Variants in NELL1 observed in about 807,000 individuals in gnomAD.
NELL1 encodes neural EGFL like 1, also known as protein kinase C-binding protein NELL1.
A neutral mutation model predicts 107.4 loss-of-function variants in NELL1; 76 were observed. The observed-to-expected ratio is 0.71, with a 90% confidence interval of 0.59 to 0.86. NELL1 has a LOEUF of 0.86. NELL1 is among the 40% of genes least tolerant of loss of function. NELL1 has a pLI of 0.00. For missense variants in NELL1, 1,024 were observed against 1,005.5 expected (o/e 1.02, Z -0.25); for synonymous variants, 353 against 341.2 (o/e 1.03, Z -0.38).
At chr11:21,073,541 A>T (rs548828794) in intron 12 of NELL1, among the ~76,000 whole-genome samples, 20 of 152,148 alleles carry the variant, frequency 1.3e-4, no homozygotes, top group Admixed American at 1.2e-3. Context: ...GCATGTCTTC[A>T]TGGGTAGGGC....
chr11:20,764,788 T>C (rs1056017074), intron 2 of NELL1, among the ~76,000 whole-genome samples: 1 of 151,822 alleles, frequency 6.6e-6, no homozygotes, highest in African/African-American at 2.4e-5. Context: ...GGAAGGAAAC[T>C]ACACGTGAGA....
In NELL1 at chr11:20,765,169, A is replaced by T. The variant is rs28615322; in HGVS notation, c.185-18511A>T. On this transcript the variant is annotated intron_variant, in intron 2 of 19. Transcript: ENST00000357134. ...CAAGACCCTGTCTTTGTTAAAAAAA[A>T]AAAATAAAATGAGGCAGATACAGGA... Among the ~76,000 whole-genome samples, 266 of 152,062 alleles carry T rather than the reference A, an allele frequency of 1.7e-3. 1 individual carries two copies. Among genetic ancestry groups the T allele is most frequent in the Middle Eastern group, 3.4e-3 (1 of 294 alleles).
chr11:21,497,544 G>A lies in NELL1; in HGVS notation c.1646-36830G>A, dbSNP rs368214468. On this transcript the variant is annotated intron_variant, in intron 15 of 19. Coordinates refer to ENST00000357134, the MANE Select transcript of NELL1 (RefSeq NM_006157.5). ...GAAGTCAGTTATTTATCATTTAATT[G>A]CGTTAGTTAATGTAAATTATGAAAT... is the stretch of plus-strand genomic sequence containing the variant. Among the ~76,000 whole-genome samples, 5 of 151,970 alleles carry A rather than the reference G, an allele frequency of 3.3e-5. No homozygotes were observed. In the South Asian group the frequency reaches 6.2e-4, roughly 19 times the overall value.
chr11:21,326,052 T>TG (rs1850126035), intron 14 of NELL1, among the ~76,000 whole-genome samples: 1 of 66,180 alleles, frequency 1.5e-5, no homozygotes, highest in Non-Finnish European at 3.2e-5. Context: ...AATCCTAGTT[T>TG]TTTTTTTTTT....
At chr11:21,566,610 T>C (rs550257833) in intron 17 of NELL1, among the ~76,000 whole-genome samples, 406 of 151,988 alleles carry the variant, frequency 2.7e-3, no homozygotes, top group Middle Eastern at 6.8e-3. Flanking sequence ...AATACATCTT[T>C]GGCATATAAG....
intron 2 of NELL1, among the ~76,000 whole-genome samples, chr11:20,741,375 T>C (rs1312924921): frequency 6.6e-6 from 1 of 152,158 alleles, no homozygotes; most frequent in Non-Finnish European, 1.5e-5. Context: ...GAAAGTGTCA[T>C]ACTGTGTCAC....
Position 20,705,496 on chromosome 11 carries a change from C to T in NELL1, c.184+27436C>T, listed in dbSNP as rs530783505. Among the ~76,000 whole-genome samples the T allele has an allele frequency of 8.7e-5, 13 of 149,940 alleles. No individual in the cohort carries two copies. In the South Asian group the frequency reaches 1.7e-3, roughly 19 times the overall value. On this transcript the variant is annotated intron_variant, in intron 2 of 19. Transcript: ENST00000357134. ...GCTGAAACTGGATCCCTTCCTTACA[C>T]CTTATACAAAAATGAATTTAAGATG...
At chr11:20,734,852 C>G (rs184519279) in intron 2 of NELL1, among the ~76,000 whole-genome samples, 5 of 152,230 alleles carry the variant, frequency 3.3e-5, no homozygotes, top group Admixed American at 1.3e-4. Flanking sequence ...GTTCTTGGAG[C>G]AACAACAGCA....
intron 16 of NELL1, among the ~76,000 whole-genome samples, chr11:21,555,663 G>C (rs1293105936): frequency 1.3e-5 from 2 of 151,914 alleles, no homozygotes; most frequent in Non-Finnish European, 2.9e-5. Context: ...TGAGTGAAGA[G>C]TTAATGCTAA....
chr11:20,701,957 T>G (rs1854802803), intron 2 of NELL1, among the ~76,000 whole-genome samples: 1 of 152,254 alleles, frequency 6.6e-6, no homozygotes, highest in South Asian at 2.1e-4. Flanking sequence ...CCTCCAGTTT[T>G]GTTCTTTTGG....
chr11:21,529,822 T>C (rs1325327207), intron 15 of NELL1, among the ~76,000 whole-genome samples: 1 of 152,084 alleles, frequency 6.6e-6, no homozygotes, highest in Non-Finnish European at 1.5e-5. Context: ...TGCTTAAGAG[T>C]CTTTTTTTGT....
intron 13 of NELL1, among the ~76,000 whole-genome samples, chr11:21,172,819 C>A (rs759868866): frequency 6.6e-6 from 1 of 151,540 alleles, no homozygotes; most frequent in East Asian, 1.9e-4. Context: ...TTTAGCTTAA[C>A]CTAGATATTT....
intron 9 of NELL1, among the ~76,000 whole-genome samples, chr11:20,930,152 T>C (rs938194720): frequency 6.6e-6 from 1 of 152,152 alleles, no homozygotes; most frequent in Non-Finnish European, 1.5e-5. Flanking sequence ...GACGTTTTTT[T>C]AAAATTATAA....
intron 2 of NELL1, among the ~76,000 whole-genome samples, chr11:20,706,166 GT>G (rs1453701720): frequency 2.0e-5 from 3 of 152,148 alleles, no homozygotes; most frequent in African/African-American, 4.8e-5. Context: ...CCATTACTGG[GT>G]TATATACCCA....
intron 15 of NELL1, among the ~76,000 whole-genome samples, chr11:21,516,982 G>T (rs982236097): frequency 1.3e-5 from 2 of 151,930 alleles, no homozygotes; most frequent in Non-Finnish European, 2.9e-5. Flanking sequence ...TAGAGACGGG[G>T]TTTCACCATG....
intron 14 of NELL1, among the ~76,000 whole-genome samples, chr11:21,336,674 T>C (rs28447599): frequency 0.39 from 50,389 of 130,150 alleles, 10,054 homozygotes; most frequent in East Asian, 0.52. Context: ...TATATATATA[T>C]ACACACACAC....
At chr11:21,364,741 A>C (rs1450186965) in intron 14 of NELL1, among the ~76,000 whole-genome samples, 1 of 152,206 alleles carries the variant, frequency 6.6e-6, no homozygotes, top group Non-Finnish European at 1.5e-5. Flanking sequence ...TAGACAGGGC[A>C]AAAGTCTGTA....
Position 21,309,280 on chromosome 11 carries a change from G to GTATA in NELL1, c.1550-61557_1550-61554dup, listed in dbSNP as rs67629561. Reference sequence around the variant, plus strand: ...TATATGTATATATATATATATATATGTATATATATATATATATATGTATAT... The same window carrying GTATA: ...TATATGTATATATATATATATATATGTATATATATATATATATATATATGTATAT... On this transcript the variant is annotated intron_variant, in intron 14 of 19. Coordinates refer to ENST00000357134, the MANE Select transcript of NELL1 (RefSeq NM_006157.5). Among the ~76,000 whole-genome samples the GTATA allele has an allele frequency of 4.1e-4, 44 of 108,608 alleles. No homozygotes were observed. The South Asian group carries it at 4.3e-3, about 11-fold the overall frequency. 71.3% of individuals were successfully genotyped at this position (108,608 alleles called of 152,430 possible).
chr11:20,712,735 T>C (rs1373831892), intron 2 of NELL1, among the ~76,000 whole-genome samples: 1 of 152,140 alleles, frequency 6.6e-6, no homozygotes. Flanking sequence ...ACTACAGTGA[T>C]TGTTATTGCT....
Sources: gnomAD v4.1 joint callset for allele counts (sites outside exome capture counted in the v4.1 genomes callset) on GRCh38, gnomAD v4.1.1 for gene constraint, MANE v1.5 for transcripts, NCBI Gene and HGNC (gene_info 2026-07-23, HGNC 2026-07-21) for gene names.